The following INTU variants were observed in gnomAD, a reference collection of about 807,000 sequenced individuals.
INTU encodes protein inturned.
In INTU, 68 loss-of-function variants were observed where a neutral mutation model predicts 100.5. The ratio of observed to expected loss-of-function variants is 0.68; its 90% CI spans 0.56 to 0.83. The LOEUF is 0.83. Ranked by LOEUF, INTU falls within the 40% of genes least tolerant of loss-of-function variation. The pLI is 0.00. For missense variants in INTU, 1,071 were observed against 1,114.7 expected (o/e 0.96, Z 0.56); for synonymous variants, 357 against 395.7 (o/e 0.90, Z 1.16).
At position 127,705,576 on chromosome 4, in the gene INTU, G is replaced by A. The variant is rs368315618; in HGVS notation, c.1567-15G>A. 4 of 1,595,878 alleles carry A rather than the reference G, an allele frequency of 2.5e-6. No homozygotes were observed. In the African/African-American group the frequency reaches 4.0e-5, roughly 16 times the overall value. On this transcript the variant is annotated splice_polypyrimidine_tract_variant and intron_variant, in intron 10 of 15. Transcript: ENST00000335251. ...TATCACTGGTAGACTTTTGCTCTTT[G>A]TGGTTAAATTCAAGGGTTATTTGAT... is the stretch of plus-strand genomic sequence containing the variant.
intron 6 of INTU, among the ~76,000 whole-genome samples, chr4:127,682,475 A>G (rs1314920033): frequency 1.3e-5 from 2 of 151,580 alleles, no homozygotes; most frequent in Non-Finnish European, 3.0e-5. Context: ...GAAATTGGAA[A>G]TCATCATTCT....
chr4:127,644,275 G>T lies in INTU; in HGVS notation c.682+219G>T, dbSNP rs1727470363. Reference sequence around the variant, plus strand: ...AGTGTGTTGAGTATGTGTGTGCCTTGTTCAGGCCAAGAAATAGCTTACCTA... The same window carrying T: ...AGTGTGTTGAGTATGTGTGTGCCTTTTTCAGGCCAAGAAATAGCTTACCTA... On this transcript the variant is annotated intron_variant, in intron 2 of 15. Transcript: ENST00000335251. 2.0e-5 allele frequency among the ~76,000 whole-genome samples: 3 copies of T among 152,116 alleles called. No individual in the cohort carries two copies. The South Asian group carries it at 6.2e-4, about 32-fold the overall frequency.
intron 3 of INTU, among the ~76,000 whole-genome samples, chr4:127,661,494 A>C (rs1489269292): frequency 6.6e-6 from 1 of 151,698 alleles, no homozygotes; most frequent in Non-Finnish European, 1.5e-5. Flanking sequence ...CTTATGCACA[A>C]CTCTCATAGA....
At chr4:127,691,338 C>G (rs1730113140) in intron 8 of INTU, among the ~76,000 whole-genome samples, 1 of 152,098 alleles carries the variant, frequency 6.6e-6, no homozygotes, top group South Asian at 2.1e-4. Flanking sequence ...AAGAAACTAC[C>G]AAACTGTCTT....
In INTU at chr4:127,707,852, T is replaced by C. The variant is rs138720291; in HGVS notation, c.2272-719T>C. On this transcript the variant is annotated intron_variant, in intron 12 of 15. Transcript: ENST00000335251. ...TTCACCCTGGGAGGCTTTGTACTTA[T>C]TCTAGTGATGCTGTCGTCTTTCAAA... is the stretch of plus-strand genomic sequence containing the variant. Among the ~76,000 whole-genome samples the C allele has an allele frequency of 1.5e-3, 231 of 152,290 alleles. 1 individual carries two copies. The highest frequency in any genetic ancestry group is 5.4e-3 in the African/African-American group (226 of 41,554).
rs759660656 is a variant in INTU at position 127,687,874 on chromosome 4, T to G, written c.1449+7T>G. ...ACTTCCACTGGAAATCAAGGTAATC[T>G]TAGGTATTATAAAGCAGAAGCAGAA... On this transcript the variant is annotated splice_region_variant and intron_variant, in intron 8 of 15. Coordinates refer to ENST00000335251, the MANE Select transcript of INTU (RefSeq NM_015693.4). 1 of 1,564,944 alleles carries G rather than the reference T, an allele frequency of 6.4e-7. No individual in the cohort carries two copies. Among genetic ancestry groups the G allele is most frequent in the South Asian group, 1.2e-5 (1 of 83,838 alleles).
chr4:127,658,646 C>T (rs553742656), intron 3 of INTU, among the ~76,000 whole-genome samples: 4 of 152,070 alleles, frequency 2.6e-5, no homozygotes, highest in Non-Finnish European at 5.9e-5. Flanking sequence ...TCTATTCTTT[C>T]TTCAAAAATA....
At chr4:127,708,708 A>T (rs1180284425) in intron 13 of INTU, 40 bp downstream of exon 13, 2 of 1,037,282 alleles carry the variant, frequency 1.9e-6, no homozygotes, top group Non-Finnish European at 2.9e-6. Context: ...AAACTCAGGA[A>T]GTTTTACAGT....
intron 4 of INTU, among the ~76,000 whole-genome samples, chr4:127,668,634 G>A (rs1294793549): frequency 6.6e-6 from 1 of 151,724 alleles, no homozygotes; most frequent in African/African-American, 2.4e-5. Context: ...ATAGTTACTT[G>A]TGGTACCTGT....
intron 6 of INTU, among the ~76,000 whole-genome samples, chr4:127,680,225 A>G (rs1250761085): frequency 1.3e-5 from 2 of 152,134 alleles, no homozygotes; most frequent in Non-Finnish European, 2.9e-5. Flanking sequence ...ATCAACAGAA[A>G]AAGAGGGAAT....
intron 8 of INTU, among the ~76,000 whole-genome samples, chr4:127,693,453 C>G (rs1260029520): frequency 6.6e-6 from 1 of 152,088 alleles, no homozygotes; most frequent in Non-Finnish European, 1.5e-5. Context: ...ATTCATTTAG[C>G]AGATCTAGAT....
intron 8 of INTU, among the ~76,000 whole-genome samples, chr4:127,697,550 GATC>G (rs1414184725): frequency 2.6e-5 from 4 of 152,178 alleles, no homozygotes; most frequent in East Asian, 1.9e-4. Flanking sequence ...ATATGAGTGA[GATC>G]ATGTGGTAGT....
intron 2 of INTU, among the ~76,000 whole-genome samples, chr4:127,653,943 T>C (rs1030746565): frequency 1.3e-5 from 2 of 151,818 alleles, no homozygotes; most frequent in African/African-American, 4.9e-5. Flanking sequence ...TAGTTAGCTC[T>C]TCTTGTTGAA....
chr4:127,636,118 A>T (rs1367134441), intron 1 of INTU, among the ~76,000 whole-genome samples: 4 of 152,016 alleles, frequency 2.6e-5, no homozygotes, highest in Non-Finnish European at 5.9e-5. Context: ...AAAAATAAAA[A>T]AATTAGCCAG....
At chr4:127,687,516 ACACAATC>A (rs1729878637) in intron 7 of INTU, 155 bp from the exon 8 acceptor site, 2 of 539,906 alleles carry the variant, frequency 3.7e-6, no homozygotes. Flanking sequence ...AAATTTCTTT[ACACAATC>A]CGTCAGTAAC....
chr4:127,651,716 C>G (rs1560834017), intron 2 of INTU, among the ~76,000 whole-genome samples: 1 of 151,578 alleles, frequency 6.6e-6, no homozygotes, highest in Non-Finnish European at 1.5e-5. Context: ...TTTTTTGGTT[C>G]CATATGAACC....
chr4:127,678,093 G>T (rs968377030), intron 6 of INTU, among the ~76,000 whole-genome samples: 24 of 152,232 alleles, frequency 1.6e-4, no homozygotes, highest in Non-Finnish European at 2.9e-4. Context: ...AAGAAATATG[G>T]GACTATGTGG....
At position 127,704,292 on chromosome 4, in the gene INTU, T is replaced by C; in HGVS notation, c.1566+2T>C. The C allele has an allele frequency of 6.2e-7, 1 of 1,607,316 alleles. No individual in the cohort carries two copies. Among genetic ancestry groups the C allele is most frequent in the Non-Finnish European group, 8.5e-7 (1 of 1,175,390 alleles). ...TTGGGGTCTTCTCTATTTTACAAGGTAAGTTGAAGCTTGAAGTCTAAATGT... is the reference window on the plus strand; with the variant it reads ...TTGGGGTCTTCTCTATTTTACAAGGCAAGTTGAAGCTTGAAGTCTAAATGT... On this transcript the variant is annotated splice_donor_variant, in intron 10 of 15. Coordinates refer to ENST00000335251, the MANE Select transcript of INTU (RefSeq NM_015693.4). LOFTEE classifies it high-confidence loss of function.
chr4:127,697,179 C>T (rs971227646), intron 8 of INTU, among the ~76,000 whole-genome samples: 1 of 152,064 alleles, frequency 6.6e-6, no homozygotes, highest in African/African-American at 2.4e-5. Flanking sequence ...ATGTGCAATC[C>T]AACATTTTTT....
Sources: gnomAD v4.1 joint callset for allele counts (sites outside exome capture counted in the v4.1 genomes callset) on GRCh38, gnomAD v4.1.1 for gene constraint, MANE v1.5 for transcripts, NCBI Gene and HGNC (gene_info 2026-07-23, HGNC 2026-07-21) for gene names.